The following BRMS1 variants were observed in gnomAD, a reference collection of about 807,000 sequenced individuals.
BRMS1 encodes BRMS1 transcriptional repressor and anoikis regulator.
In BRMS1, 26 loss-of-function variants were observed where a neutral mutation model predicts 40.4. That is an observed-to-expected ratio of 0.64 (90% confidence interval 0.47 to 0.89). BRMS1 has a LOEUF of 0.89. Among genes scored for constraint, BRMS1 ranks in the 40% least tolerant of loss-of-function variants. The pLI is 0.00. For synonymous variants in BRMS1, 103 were observed against 116.0 expected, an observed-to-expected ratio of 0.89 and a Z score of 0.72; for missense variants, 289 against 309.4, an observed-to-expected ratio of 0.93 and a Z score of 0.49.
Position 66,338,232 on chromosome 11 carries a change from A to T in BRMS1, c.733+11T>A. On this transcript the variant is annotated intron_variant, in intron 9 of 9. Coordinates refer to ENST00000359957, the MANE Select transcript of BRMS1 (RefSeq NM_015399.4). Reference sequence around the variant, plus strand: ...GGGCAGGGAAGGCCATGCAACAGCCATGGTTCTTACCATCCGATTTTCTCT... The same window carrying T: ...GGGCAGGGAAGGCCATGCAACAGCCTTGGTTCTTACCATCCGATTTTCTCT... 2.5e-6 allele frequency: 4 copies of T among 1,610,940 alleles called. No individual in the cohort carries two copies. The highest frequency in any genetic ancestry group is 2.5e-6 in the Non-Finnish European group (3 of 1,178,460).
rs768095949 is a variant in BRMS1, at chr11:66,337,523, G to A, written c.*359C>T. The stretch of plus-strand genomic sequence containing the variant: ...AAACTGGCTCCCTGGCCCTGAGGCC[G>A]GACAGCCTGCATCCAACATCAGCAA... On this transcript the variant is annotated 3_prime_UTR_variant, in exon 10 of 10. Transcript: ENST00000359957. 7 of 696,624 alleles carry A rather than the reference G, an allele frequency of 1.0e-5. No homozygotes were observed. The highest frequency in any genetic ancestry group is 2.7e-5 in the East Asian group (1 of 36,532). 43.2% of individuals were successfully genotyped at this position (696,624 alleles called of 1,614,324 possible). A position where few individuals can be genotyped will look rare whatever the true frequency, so the allele number is the denominator to read the frequency against.
Position 66,337,409 on chromosome 11 carries a change from C to T in BRMS1, c.*473G>A. The T allele has an allele frequency of 2.0e-6, 1 of 494,178 alleles. No homozygotes were observed. Among genetic ancestry groups the T allele is most frequent in the Non-Finnish European group, 3.6e-6 (1 of 274,350 alleles). 30.6% of individuals were successfully genotyped at this position (494,178 alleles called of 1,614,324 possible). On this transcript the variant is annotated 3_prime_UTR_variant, in exon 10 of 10. Transcript: ENST00000359957. ...ACACCAAGAACTGCCCTGAGAACAC[C>T]TGGGGGGCCTGGCATCTTGCCTCCA...
rs897524724 is a variant in BRMS1 at position 66,338,423 on chromosome 11, A to C, written c.694-141T>G. On this transcript the variant is annotated intron_variant, in intron 8 of 9. Transcript: ENST00000359957. ...CCGGGAGCATAGGCCCCACCCAGGCAGAGCTCCCATGCTCCTGACTGCTGG... is the reference window on the plus strand; with the variant it reads ...CCGGGAGCATAGGCCCCACCCAGGCCGAGCTCCCATGCTCCTGACTGCTGG... 88 of 1,514,492 alleles carry C rather than the reference A, an allele frequency of 5.8e-5. No homozygotes were observed. In the South Asian group the frequency reaches 9.0e-4, roughly 15 times the overall value. 93.8% of individuals were successfully genotyped at this position (1,514,492 alleles called of 1,614,324 possible). A position where few individuals can be genotyped will look rare whatever the true frequency, so the allele number is the denominator to read the frequency against.
At chr11:66,342,063 T>TGTGTGC (rs2134966273) in intron 2 of BRMS1, 33 bp downstream of exon 2, 1 of 1,603,806 alleles carries the variant, frequency 6.2e-7, no homozygotes. Context: ...GCTCTGTGTG[T>TGTGTGC]GTGTGTGTGT....
At position 66,344,979 on chromosome 11, in the gene BRMS1, A is replaced by G. The variant is rs1678555195; in HGVS notation, c.-15T>C. 1 of 152,246 alleles carries G rather than the reference A, an allele frequency of 6.6e-6. No homozygotes were observed. 9.4% of individuals were successfully genotyped at this position (152,246 alleles called of 1,614,324 possible). A position where few individuals can be genotyped will look rare whatever the true frequency, so the allele number is the denominator to read the frequency against. On this transcript the variant is annotated 5_prime_UTR_variant, in exon 1 of 10. Coordinates refer to ENST00000359957, the MANE Select transcript of BRMS1 (RefSeq NM_015399.4). ...ATGCATGACGATACGCACCGCGGGG[A>G]CTGGAGCCTCTGGCCTCACGACGGA...
chr11:66,339,940 C>G, intron 7 of BRMS1, 181 bp downstream of exon 7: 1 of 578,136 alleles, frequency 1.7e-6, no homozygotes, highest in Non-Finnish European at 3.1e-6. Flanking sequence ...CCCAGAGAGA[C>G]CCAGGACCCC....
chr11:66,340,100 C>G, intron 7 of BRMS1, 21 bp downstream of exon 7: 1 of 1,611,556 alleles, frequency 6.2e-7, no homozygotes, highest in South Asian at 1.1e-5. Flanking sequence ...CACTTTTAGG[C>G]CACCTTGGGT....
rs139136044 is a variant in BRMS1, at chr11:66,338,365, G to A, written c.694-83C>T. 1,959 of 1,548,662 alleles carry A rather than the reference G, an allele frequency of 1.3e-3. 18 individuals are homozygous for A. In the African/African-American group the frequency reaches 0.023, roughly 19 times the overall value. On this transcript the variant is annotated intron_variant, in intron 8 of 9. Coordinates refer to ENST00000359957, the MANE Select transcript of BRMS1 (RefSeq NM_015399.4). ...GCCCCACCCCCCACCTCTGTGGCTT[G>A]TGGGCTGTTGCCTCAGTGCTGTGCC...
chr11:66,338,407 T>C, intron 8 of BRMS1, 125 bp from the exon 9 acceptor site: 1 of 1,524,078 alleles, frequency 6.6e-7, no homozygotes, highest in Non-Finnish European at 8.8e-7. Context: ...ACCGGGAGCA[T>C]AGGCCCCACC....
At position 66,338,782 on chromosome 11, in the gene BRMS1, G is replaced by T; in HGVS notation, c.632C>A (p.Pro211Gln). 1 of 1,540,872 alleles carries T rather than the reference G, an allele frequency of 6.5e-7. No homozygotes were observed. ...CTCTTGAAGCATGTACACGATGTAT[G>T]GGCCTGTGGTGGGGGTCAAGGAAGC... ...KRKKAPLVSG[P>Q]YIVYMLQEID... is the part of the protein sequence containing the mutation. Residue 211 changes from proline (P) to glutamine (Q), a missense_variant, in exon 8 of 10, where the codon CCA becomes CAA. Transcript: ENST00000359957.
Position 66,341,876 on chromosome 11 carries a change from G to A in BRMS1, c.139+220C>T, listed in dbSNP as rs1464013553. On this transcript the variant is annotated intron_variant, in intron 2 of 9. Transcript: ENST00000359957. The surrounding 1 kb of genome is among the most constrained non-coding windows in gnomAD (Gnocchi z 4.9). Reference sequence around the variant, plus strand: ...GTGTACTTGTGTGAAGGGGCTGTGTGTGTGCATACGTGCTTGTGTGTAGGG... The same window carrying A: ...GTGTACTTGTGTGAAGGGGCTGTGTATGTGCATACGTGCTTGTGTGTAGGG... 2 of 669,500 alleles carry A rather than the reference G, an allele frequency of 3.0e-6. No individual in the cohort carries two copies. Among genetic ancestry groups the A allele is most frequent in the Admixed American group, 4.5e-5 (2 of 44,554 alleles). The allele number at this position is 669,500 out of a possible 1,614,324, so 41.5% of individuals were successfully genotyped here.
chr11:66,339,106 C>T (rs945650164), intron 7 of BRMS1, among the ~76,000 whole-genome samples: 27 of 152,276 alleles, frequency 1.8e-4, no homozygotes, highest in South Asian at 6.2e-4. Flanking sequence ...CAAAGACAGA[C>T]GCAGGGCTTA....
Position 66,342,159 on chromosome 11 carries a change from C to G in BRMS1, c.76G>C (p.Glu26Gln), listed in dbSNP as rs77057703. The change falls in exon 2 of 10, where the codon GAG (glutamate) becomes CAG (glutamine). Residue 26 changes from glutamate to glutamine, a missense_variant. Glu to Gln is a conservative substitution (Grantham distance 29). Transcript: ENST00000359957. ...EGDSAAEMNG[E>Q]EEESEEERSG... ...CGCTCCTCCTCACTCTCTTCCTCCT[C>G]CCCATTCATCTCAGCAGCAGAATCA... is the stretch of plus-strand genomic sequence containing the variant. 4 of 1,613,898 alleles carry G rather than the reference C, an allele frequency of 2.5e-6. No homozygotes were observed. Among genetic ancestry groups the G allele is most frequent in the Non-Finnish European group, 3.4e-6 (4 of 1,180,020 alleles).
chr11:66,341,815 T>C lies in BRMS1; in HGVS notation c.140-192A>G, dbSNP rs570070397. The C allele has an allele frequency of 2.2e-5, 15 of 669,330 alleles. No individual in the cohort carries two copies. The African/African-American group carries it at 2.5e-4, about 11-fold the overall frequency. The allele number at this position is 669,330 out of a possible 1,614,324, so 41.5% of individuals were successfully genotyped here. A position where few individuals can be genotyped will look rare whatever the true frequency, so the allele number is the denominator to read the frequency against. On this transcript the variant is annotated intron_variant, in intron 2 of 9. Transcript: ENST00000359957. The surrounding 1 kb of genome is among the most constrained non-coding windows in gnomAD (Gnocchi z 4.9). ...CTTGTGTGTAGGGGCTGTGTGTGCA[T>C]ATGCGTGCGTGCTTGTGTGAAGGGG... is the stretch of plus-strand genomic sequence containing the variant.
chr11:66,337,506 TC>T lies in BRMS1; in HGVS notation c.*375del, dbSNP rs778201450. ...GAGTTCCCGCACAGTGGAAACTGGC[TC>T]CCTGGCCCTGAGGCCGGACAGCCTG... On this transcript the variant is annotated 3_prime_UTR_variant, in exon 10 of 10. Coordinates refer to ENST00000359957, the MANE Select transcript of BRMS1 (RefSeq NM_015399.4). 34 of 632,572 alleles carry T rather than the reference TC, an allele frequency of 5.4e-5. No homozygotes were observed. Among genetic ancestry groups the T allele is most frequent in the Non-Finnish European group, 7.9e-5 (29 of 366,852 alleles). The allele number at this position is 632,572 out of a possible 1,614,324, so 39.2% of individuals were successfully genotyped here. A position where few individuals can be genotyped will look rare whatever the true frequency, so the allele number is the denominator to read the frequency against.
At chr11:66,343,594 C>T (rs1478693270) in intron 1 of BRMS1, among the ~76,000 whole-genome samples, 1 of 152,136 alleles carries the variant, frequency 6.6e-6, no homozygotes, top group Non-Finnish European at 1.5e-5. Context: ...GGGTGAGCTG[C>T]ACTTATTGAG....
chr11:66,340,697 G>C (rs1447784220), intron 6 of BRMS1, 77 bp downstream of exon 6: 5 of 1,262,124 alleles, frequency 4.0e-6, no homozygotes, highest in Non-Finnish European at 5.5e-6. Context: ...TTGACTTCAG[G>C]ACATCTGAAG....
At chr11:66,342,849 C>T (rs1855118075) in intron 1 of BRMS1, among the ~76,000 whole-genome samples, 1 of 152,272 alleles carries the variant, frequency 6.6e-6, no homozygotes, top group Admixed American at 6.5e-5. Context: ...TATCCACCCT[C>T]TGCCTCAGCT....
intron 7 of BRMS1, 103 bp downstream of exon 7, chr11:66,340,018 T>C: frequency 1.1e-6 from 1 of 880,018 alleles, no homozygotes; most frequent in East Asian, 2.5e-5. Flanking sequence ...CACGAGTGCA[T>C]CTAGTGTGAC....
Sources: gnomAD v4.1 joint callset for allele counts (sites outside exome capture counted in the v4.1 genomes callset) on GRCh38, gnomAD v4.1.1 for gene constraint, Gnocchi (gnomAD v3.1) non-coding constraint, MANE v1.5 for transcripts, NCBI Gene and HGNC (gene_info 2026-07-23, HGNC 2026-07-21) for gene names.